Variants in ZFHX3 observed in about 807,000 individuals in gnomAD.
ZFHX3 encodes the protein zinc finger homeobox protein 3.
A neutral mutation model predicts 279.1 loss-of-function variants in ZFHX3; 42 were observed. The ratio of observed to expected loss-of-function variants is 0.15; its 90% CI spans 0.12 to 0.19. The LOEUF is 0.19. ZFHX3 is among the 10% of genes least tolerant of loss of function. The pLI, the probability that ZFHX3 is intolerant of heterozygous loss-of-function variation, is 1.00. For synonymous variants in ZFHX3, 2,293 were observed against 1,957.8 expected, an observed-to-expected ratio of 1.17 and a Z score of -4.52; for missense variants, 4,981 against 4,754.0, an observed-to-expected ratio of 1.05 and a Z score of -1.40.
chr16:73,340,108 G>A (rs183837781), intron 3 of ZFHX3, among the ~76,000 whole-genome samples: 11 of 152,298 alleles, frequency 7.2e-5, no homozygotes, highest in Admixed American at 3.3e-4. Context: ...ACAGGCTTAC[G>A]TTGCAGTAGG....
intron 1 of ZFHX3, among the ~76,000 whole-genome samples, chr16:73,001,974 G>A (rs1258433968): frequency 6.6e-6 from 1 of 152,084 alleles, no homozygotes; most frequent in Non-Finnish European, 1.5e-5. Flanking sequence ...GACCAGAAAA[G>A]CAGCAAAACT....
intron 7 of ZFHX3, chr16:72,807,980 G>A (rs901102690): frequency 1.3e-5 from 2 of 152,088 alleles, no homozygotes; most frequent in Non-Finnish European, 2.9e-5. Flanking sequence ...TTAGAAAATG[G>A]AGCCCTGATT....
At chr16:73,695,001 T>G (rs1427148189) in intron 1 of ZFHX3, among the ~76,000 whole-genome samples, 1 of 152,214 alleles carries the variant, frequency 6.6e-6, no homozygotes, top group Non-Finnish European at 1.5e-5. Flanking sequence ...TGTGGCTAAC[T>G]CCAAGCCAGG....
At chr16:72,898,475 T>G (rs886658844) in intron 3 of ZFHX3, among the ~76,000 whole-genome samples, 1 of 152,114 alleles carries the variant, frequency 6.6e-6, no homozygotes, top group East Asian at 1.9e-4. Context: ...TTCTCAACAT[T>G]AGTGGCCTTG....
At chr16:73,308,275 A>ATT (rs1220004803) in intron 4 of ZFHX3, among the ~76,000 whole-genome samples, 9 of 67,682 alleles carry the variant, frequency 1.3e-4, no homozygotes, top group East Asian at 1.2e-3. Context: ...ATATATATAT[A>ATT]TATTTATTTA....
intron 2 of ZFHX3, among the ~76,000 whole-genome samples, chr16:73,493,192 C>G (rs1375387667): frequency 6.6e-6 from 1 of 152,136 alleles, no homozygotes; most frequent in African/African-American, 2.4e-5. Context: ...TCGTCTGCTT[C>G]CAACAGACTA....
chr16:73,168,208 T>TC (rs1567408102), intron 5 of ZFHX3, among the ~76,000 whole-genome samples: 206 of 148,676 alleles, frequency 1.4e-3, no homozygotes, highest in Admixed American at 0.012. Context: ...ATAGTTTCTT[T>TC]TGTTTTCTTT....
chr16:73,042,964 C>T (rs897915595), intron 1 of ZFHX3, among the ~76,000 whole-genome samples: 2 of 152,032 alleles, frequency 1.3e-5, no homozygotes, highest in East Asian at 1.9e-4. Flanking sequence ...AAGTGAGAGG[C>T]ATCCCAGCAC....
At chr16:73,473,352 A>T in intron 2 of ZFHX3, among the ~76,000 whole-genome samples, 1 of 49,086 alleles carries the variant, frequency 2.0e-5, no homozygotes, top group African/African-American at 7.6e-5. Flanking sequence ...AAAAAAAAAA[A>T]AAAAACAAAA....
chr16:73,183,122 T>C (rs1247185629), intron 5 of ZFHX3, among the ~76,000 whole-genome samples: 1 of 152,136 alleles, frequency 6.6e-6, no homozygotes, highest in Non-Finnish European at 1.5e-5. Flanking sequence ...GGAGAATTGC[T>C]TGAACCCAGG....
Position 73,843,150 on chromosome 16 carries a change from T to C in ZFHX3, c.-1608+48501A>G, listed in dbSNP as rs1026833724. 2.6e-5 allele frequency among the ~76,000 whole-genome samples: 4 copies of C among 152,266 alleles called. No individual in the cohort carries two copies. The East Asian group carries it at 7.7e-4, about 29-fold the overall frequency. On this transcript the variant is annotated intron_variant, in intron 1 of 17. Transcript: ENST00000641206. ...CTTAATTGTTTGCAAGACTGCAGAA[T>C]AACTGGCACGAAGTGAAGTTATTTT...
chr16:73,404,092 G>A (rs773563827), intron 3 of ZFHX3, among the ~76,000 whole-genome samples: 2 of 152,180 alleles, frequency 1.3e-5, no homozygotes, highest in African/African-American at 2.4e-5. Context: ...GAACTCTGAG[G>A]ATTCAGTCTC....
At chr16:73,145,723 T>G (rs767992245) in intron 5 of ZFHX3, among the ~76,000 whole-genome samples, 1 of 152,248 alleles carries the variant, frequency 6.6e-6, no homozygotes, top group Non-Finnish European at 1.5e-5. Context: ...CTGAGAGCTA[T>G]GAGAGGTGAT....
chr16:72,953,693 G>A (rs970600359), intron 2 of ZFHX3, among the ~76,000 whole-genome samples: 6 of 152,088 alleles, frequency 3.9e-5, no homozygotes, highest in African/African-American at 1.4e-4. Context: ...TGAACCACCT[G>A]CCTCAGCCTC....
rs191353230 is a variant in ZFHX3 at position 73,268,120 on chromosome 16, T to C, written c.-1193-10984A>G. Among the ~76,000 whole-genome samples the C allele has an allele frequency of 3.4e-3, 515 of 152,298 alleles. 2 individuals are homozygous for C. The highest frequency in any genetic ancestry group is 0.027 in the Middle Eastern group (8 of 292). On this transcript the variant is annotated intron_variant, in intron 4 of 17. Coordinates refer to the ZFHX3 transcript ENST00000641206. ...ACAAAGTAGGATGTGAATAAATCCA[T>C]TTTTTTCCACAATAAATGACTGAAA...
intron 2 of ZFHX3, among the ~76,000 whole-genome samples, chr16:73,579,889 T>C (rs2051841705): frequency 1.4e-5 from 2 of 143,890 alleles, no homozygotes; most frequent in Non-Finnish European, 3.0e-5. Context: ...CACACACATA[T>C]AATGTATTAA....
chr16:73,191,615 G>A lies in ZFHX3; in HGVS notation c.-1103-47784C>T, dbSNP rs573196184. Among the ~76,000 whole-genome samples the A allele has an allele frequency of 3.9e-5, 6 of 152,160 alleles. No homozygotes were observed. The South Asian group carries it at 1.0e-3, about 26-fold the overall frequency. On this transcript the variant is annotated intron_variant, in intron 5 of 17. Coordinates refer to the ZFHX3 transcript ENST00000641206. The stretch of plus-strand genomic sequence containing the variant: ...CCGTTTGGTCACCTCCATCCTACTC[G>A]ATTTTTCCCCCCAGATTCTCACCTT...
chr16:73,663,067 T>C (rs1202560787), intron 2 of ZFHX3, among the ~76,000 whole-genome samples: 1 of 151,950 alleles, frequency 6.6e-6, no homozygotes, highest in Non-Finnish European at 1.5e-5. Flanking sequence ...TCCAAAAAAA[T>C]AAAATAAAAT....
intron 3 of ZFHX3, among the ~76,000 whole-genome samples, chr16:72,927,361 G>GCTCCTTAACAATCCTCCCA (rs1959510391): frequency 6.6e-6 from 1 of 151,804 alleles, no homozygotes; most frequent in African/African-American, 2.4e-5. Flanking sequence ...CAATCCTCCC[G>GCTCCTTAACAATCCTCCCA]ATTCATTCTC....
Sources: allele counts gnomAD v4.1 joint callset (sites outside exome capture counted in the v4.1 genomes callset), GRCh38; gene constraint gnomAD v4.1.1; transcripts MANE v1.5; gene names NCBI Gene and HGNC (gene_info 2026-07-23, HGNC 2026-07-21).